The following CPSF2 variants were observed in gnomAD, a reference collection of about 807,000 sequenced individuals.
CPSF2 encodes the protein cleavage and polyadenylation specific factor 2, also known as cleavage and polyadenylation specificity factor subunit 2.
Under a neutral mutation model 84.2 loss-of-function variants are expected in CPSF2, and 51 were observed. The ratio of observed to expected loss-of-function variants is 0.61; its 90% confidence interval spans 0.48 to 0.77. The LOEUF (loss-of-function observed/expected upper bound fraction) is 0.77. Among genes scored for constraint, CPSF2 ranks in the 30% least tolerant of loss-of-function variants. CPSF2 has a pLI of 0.00. For missense variants in CPSF2, 641 were observed against 929.4 expected, an observed-to-expected ratio of 0.69 and a Z score of 4.03; for synonymous variants, 286 against 311.9, an observed-to-expected ratio of 0.92 and a Z score of 0.87.
intron 1 of CPSF2, among the ~76,000 whole-genome samples, chr14:92,122,630 C>T (rs1448208206): frequency 6.6e-6 from 1 of 152,038 alleles, no homozygotes; most frequent in East Asian, 1.9e-4. Context: ...GGGTCTTGGG[C>T]CTTCGCGCCC....
chr14:92,167,000 G>A lies in CPSF2; in HGVS notation c.*5256G>A, dbSNP rs941712533. The A allele has an allele frequency of 4.4e-4, 61 of 139,036 alleles. No individual in the cohort carries two copies. Among genetic ancestry groups the A allele is most frequent in the African/African-American group, 1.6e-3 (58 of 36,664 alleles). The allele number at this position is 139,036 out of a possible 1,614,324, so 8.6% of individuals were successfully genotyped here. A position where few individuals can be genotyped will look rare whatever the true frequency, so the allele number is the denominator to read the frequency against. ...CATGTGAGTTTAGATTCTGCTTATC[G>A]ATTTCTTTTTTTTCTTTTTTTTTTT... On this transcript the variant is annotated 3_prime_UTR_variant, in exon 16 of 16. Transcript: ENST00000298875.
At position 92,159,264 on chromosome 14, in the gene CPSF2, A is replaced by G. The variant is rs1466112272; in HGVS notation, c.2103A>G (p.Glu701=). 6.3e-7 allele frequency: 1 copy of G among 1,591,866 alleles called. No homozygotes were observed. The highest frequency in any genetic ancestry group is 1.1e-5 in the South Asian group (1 of 87,868). ...GEESEIIPTL[E]PLPPHEVPGH... is the part of the protein sequence containing the mutation. The stretch of plus-strand genomic sequence containing the variant: ...AAAGTGAGATCATTCCTACTTTGGA[A>G]CCCTTGCCACCTCATGAGGTAAAAA... The change falls in exon 14 of 16, where the codon GAA becomes GAG. Residue 701 remains glutamate (E), a synonymous_variant. Coordinates refer to ENST00000298875, the MANE Select transcript of CPSF2 (RefSeq NM_017437.3).
intron 6 of CPSF2, among the ~76,000 whole-genome samples, chr14:92,137,050 T>C (rs1447255250): frequency 2.2e-4 from 33 of 151,912 alleles, no homozygotes; most frequent in Admixed American, 2.2e-3. Context: ...GGAAAATATT[T>C]GCAGCAAGTT....
chr14:92,122,840 TTC>T (rs1221159050), intron 1 of CPSF2, among the ~76,000 whole-genome samples: 1 of 150,548 alleles, frequency 6.6e-6, no homozygotes, highest in Non-Finnish European at 1.5e-5. Flanking sequence ...TTTAACCCCT[TTC>T]TTTTTTCTTT....
intron 7 of CPSF2, among the ~76,000 whole-genome samples, chr14:92,141,884 A>G (rs1013588563): frequency 2.6e-5 from 4 of 152,134 alleles, no homozygotes; most frequent in African/African-American, 7.2e-5. Flanking sequence ...ACCATTTTCT[A>G]TGTGTATTAT....
At chr14:92,133,039 G>A (rs1465349036) in intron 3 of CPSF2, among the ~76,000 whole-genome samples, 3 of 151,700 alleles carry the variant, frequency 2.0e-5, no homozygotes, top group Admixed American at 6.6e-5. Context: ...GCAGTGAGCC[G>A]AGGTTGCGCC....
chr14:92,161,592 T>G, intron 15 of CPSF2, 60 bp from the exon 16 acceptor site: 1 of 1,189,380 alleles, frequency 8.4e-7, no homozygotes, highest in Non-Finnish European at 1.2e-6. Context: ...TTTCGGTTAT[T>G]ATGTCTGCAT....
Position 92,161,714 on chromosome 14 carries a change from C to T in CPSF2, c.2319C>T (p.Asp773=), listed in dbSNP as rs754032231. 2 of 1,589,654 alleles carry T rather than the reference C, an allele frequency of 1.3e-6. No homozygotes were observed. The highest frequency in any genetic ancestry group is 2.3e-5 in the East Asian group (1 of 43,360). ...CLCQDFYRIR[D]LLYEQYAIV is the part of the protein sequence containing the mutation. Reference sequence around the variant, plus strand: ...GTCAAGATTTTTATAGGATAAGAGACCTTTTATATGAACAATATGCCATTG... The same window carrying T: ...GTCAAGATTTTTATAGGATAAGAGATCTTTTATATGAACAATATGCCATTG... The change falls in exon 16 of 16, where the codon GAC becomes GAT. Residue 773 remains aspartate (D), a synonymous_variant. Transcript: ENST00000298875.
chr14:92,150,187 T>C (rs2069195334), intron 9 of CPSF2, among the ~76,000 whole-genome samples: 2 of 151,378 alleles, frequency 1.3e-5, no homozygotes, highest in Non-Finnish European at 2.9e-5. Flanking sequence ...AGCGCTCGGC[T>C]CACTGCAACC....
chr14:92,126,201 A>G (rs2068843862), intron 2 of CPSF2, 21 bp downstream of exon 2: 1 of 152,246 alleles, frequency 6.6e-6, no homozygotes, highest in African/African-American at 2.4e-5. Flanking sequence ...AATGTTTGAT[A>G]AAGATATAGC....
At position 92,155,109 on chromosome 14, in the gene CPSF2, T is replaced by TA; in HGVS notation, c.1242-10dup. On this transcript the variant is annotated splice_polypyrimidine_tract_variant and intron_variant, in intron 10 of 15. Coordinates refer to ENST00000298875, the MANE Select transcript of CPSF2 (RefSeq NM_017437.3). Reference sequence around the variant, plus strand: ...GAAACTTTATGACCTTGATCTATTCTAAAATCCTCCTAGGGCAGATATAGA... The same window carrying TA: ...GAAACTTTATGACCTTGATCTATTCTAAAAATCCTCCTAGGGCAGATATAGA... 3 of 1,590,064 alleles carry TA rather than the reference T, an allele frequency of 1.9e-6. No individual in the cohort carries two copies. Among genetic ancestry groups the TA allele is most frequent in the Non-Finnish European group, 2.6e-6 (3 of 1,158,208 alleles).
At chr14:92,158,519 G>A (rs1321193727) in intron 13 of CPSF2, among the ~76,000 whole-genome samples, 2 of 152,186 alleles carry the variant, frequency 1.3e-5, no homozygotes, top group African/African-American at 4.8e-5. Flanking sequence ...AGAATATGGA[G>A]ATGTGAAATT....
intron 7 of CPSF2, among the ~76,000 whole-genome samples, chr14:92,141,849 A>C (rs896515239): frequency 2.0e-5 from 3 of 152,348 alleles, no homozygotes; most frequent in East Asian, 1.9e-4. Context: ...TGGCCTGGTC[A>C]TACAATTTTC....
chr14:92,147,419 G>T (rs1014237490), intron 9 of CPSF2, among the ~76,000 whole-genome samples: 1 of 152,168 alleles, frequency 6.6e-6, no homozygotes, highest in Non-Finnish European at 1.5e-5. Context: ...TACGGTGAAG[G>T]AGTAGGAAGA....
chr14:92,147,631 C>A (rs987998705), intron 9 of CPSF2, among the ~76,000 whole-genome samples: 7 of 152,030 alleles, frequency 4.6e-5, no homozygotes, highest in Non-Finnish European at 1.0e-4. Context: ...TTAAAAAAAA[C>A]CCACTATTTT....
intron 3 of CPSF2, 148 bp downstream of exon 3, chr14:92,131,281 C>A: frequency 1.8e-6 from 1 of 566,226 alleles, no homozygotes; most frequent in Non-Finnish European, 2.9e-6. Flanking sequence ...CCTATAGTGA[C>A]ATTTTAACTT....
In CPSF2 at chr14:92,138,340, G is replaced by C; in HGVS notation, c.654G>C (p.Gln218His). ...CTAGAAGAAAACAGAGAGATGAGCA[G>C]CTTCTGAGTACGTATTCTTTCACGT... The part of the protein sequence containing the change: ...VQPRRKQRDE[Q>H]LLTNVLETLR... Residue 218 changes from glutamine (Q) to histidine (H), a missense_variant, in exon 7 of 16, where the codon CAG becomes CAC. Physicochemically the swap from Gln to His is conservative, Grantham distance 24. Transcript: ENST00000298875. The C allele has an allele frequency of 2.6e-6, 4 of 1,513,180 alleles. No individual in the cohort carries two copies. Among genetic ancestry groups the C allele is most frequent in the Non-Finnish European group, 3.6e-6 (4 of 1,111,726 alleles). The allele number at this position is 1,513,180 out of a possible 1,614,324, so 93.7% of individuals were successfully genotyped here.
At chr14:92,142,905 G>T in intron 8 of CPSF2, 99 bp from the exon 9 acceptor site, 2 of 1,035,734 alleles carry the variant, frequency 1.9e-6, no homozygotes, top group Non-Finnish European at 1.4e-6. Context: ...AGCAACCAGT[G>T]GGGGTAAAAG....
At chr14:92,151,608 A>G (rs2069218756) in intron 9 of CPSF2, among the ~76,000 whole-genome samples, 1 of 152,196 alleles carries the variant, frequency 6.6e-6, no homozygotes, top group Non-Finnish European at 1.5e-5. Flanking sequence ...TCAACTATAC[A>G]TGCGTATAAG....
Sources: gnomAD v4.1 joint callset for allele counts (sites outside exome capture counted in the v4.1 genomes callset) on GRCh38, gnomAD v4.1.1 for gene constraint, MANE v1.5 for transcripts, NCBI Gene and HGNC (gene_info 2026-07-23, HGNC 2026-07-21) for gene names.